Variants in RAF1 observed in about 807,000 individuals in gnomAD.
The protein encoded by RAF1 is RAF proto-oncogene serine/threonine-protein kinase.
In RAF1, 27 loss-of-function variants were observed where a neutral mutation model predicts 81.1. The ratio of observed to expected loss-of-function variants is 0.33; its 90% CI spans 0.25 to 0.46. RAF1 has a LOEUF of 0.46. Ranked by LOEUF, RAF1 falls within the 20% of genes least tolerant of loss-of-function variation. RAF1 has a pLI of 1.00. For synonymous variants in RAF1, 298 were observed against 294.0 expected (o/e 1.01, Z -0.14); for missense variants, 598 against 826.0 (o/e 0.72, Z 3.38).
chr3:12,584,454 A>G lies in RAF1; in HGVS notation c.*60T>C. The G allele has an allele frequency of 1.9e-6, 3 of 1,605,938 alleles. No homozygotes were observed. The highest frequency in any genetic ancestry group is 2.6e-6 in the Non-Finnish European group (3 of 1,173,090). On this transcript the variant is annotated 3_prime_UTR_variant, in exon 18 of 18. Coordinates refer to ENST00000442415, the MANE Select transcript of RAF1 (RefSeq NM_001354689.3). ...CTGCCTCTGGAGAAAGGGAGCAGAA[A>G]AGTGGTGCCTGCTGGCTTCTCCTCC...
At chr3:12,627,531 T>C (rs927642944) in intron 1 of RAF1, among the ~76,000 whole-genome samples, 1 of 152,224 alleles carries the variant, frequency 6.6e-6, no homozygotes, top group Admixed American at 6.5e-5. Flanking sequence ...AATTGCCAGT[T>C]ATCTTAGCTT....
At chr3:12,623,133 T>G (rs1446592989) in intron 1 of RAF1, among the ~76,000 whole-genome samples, 4 of 152,228 alleles carry the variant, frequency 2.6e-5, no homozygotes, top group African/African-American at 7.2e-5. Context: ...CAGGCTGGTC[T>G]TGAACTCCTA....
intron 1 of RAF1, among the ~76,000 whole-genome samples, chr3:12,627,227 C>T (rs6792773): frequency 0.21 from 32,068 of 151,940 alleles, 3,630 homozygotes; most frequent in African/African-American, 0.29. Context: ...CTAAACCATA[C>T]AAATTATTTC....
intron 5 of RAF1, among the ~76,000 whole-genome samples, chr3:12,606,801 C>G (rs1175473263): frequency 1.3e-5 from 2 of 152,042 alleles, no homozygotes; most frequent in Non-Finnish European, 2.9e-5. Context: ...GTGTGCTGCA[C>G]CCAGTAACTT....
chr3:12,584,487 G>C lies in RAF1; in HGVS notation c.*27C>G, dbSNP rs2125315347. 6.2e-7 allele frequency: 1 copy of C among 1,614,054 alleles called. No individual in the cohort carries two copies. The stretch of plus-strand genomic sequence containing the variant: ...CCTGCTGGCTTCTCCTCCTCCCCTG[G>C]CAGCCTGAAGACAGGTGCAAAGTCA... On this transcript the variant is annotated 3_prime_UTR_variant, in exon 18 of 18. Coordinates refer to ENST00000442415, the MANE Select transcript of RAF1 (RefSeq NM_001354689.3).
At chr3:12,638,072 CATA>C (rs1453644619) in intron 1 of RAF1, among the ~76,000 whole-genome samples, 1 of 152,078 alleles carries the variant, frequency 6.6e-6, no homozygotes, top group Non-Finnish European at 1.5e-5. Flanking sequence ...TTTTGGTTTT[CATA>C]ATAATTTATC....
At chr3:12,615,825 G>A (rs1235416683) in intron 2 of RAF1, among the ~76,000 whole-genome samples, 2 of 152,140 alleles carry the variant, frequency 1.3e-5, no homozygotes, top group Admixed American at 6.5e-5. Flanking sequence ...GACGAGGCAG[G>A]CGGATCAGAA....
chr3:12,613,438 C>A (rs879877232), intron 2 of RAF1, among the ~76,000 whole-genome samples: 1 of 151,616 alleles, frequency 6.6e-6, no homozygotes, highest in Non-Finnish European at 1.5e-5. Context: ...CACACCCCGC[C>A]CCCAGAAGGT....
intron 1 of RAF1, among the ~76,000 whole-genome samples, chr3:12,659,973 C>T (rs984788966): frequency 1.3e-5 from 2 of 152,108 alleles, no homozygotes; most frequent in Non-Finnish European, 2.9e-5. Flanking sequence ...TAGAATCATA[C>T]ATTTACTAGT....
At chr3:12,636,752 A>G (rs2060044610) in intron 1 of RAF1, among the ~76,000 whole-genome samples, 1 of 152,004 alleles carries the variant, frequency 6.6e-6, no homozygotes, top group Admixed American at 6.6e-5. Context: ...GGCTGCTGTG[A>G]GCTAAGATCA....
chr3:12,632,537 C>T (rs913915199), intron 1 of RAF1, among the ~76,000 whole-genome samples: 1 of 152,100 alleles, frequency 6.6e-6, no homozygotes, highest in African/African-American at 2.4e-5. Context: ...TTGATAAAGG[C>T]AACCAACAAC....
chr3:12,640,199 T>C (rs924885772), intron 1 of RAF1, among the ~76,000 whole-genome samples: 1 of 152,060 alleles, frequency 6.6e-6, no homozygotes, highest in East Asian at 1.9e-4. Flanking sequence ...CTTCCTTACA[T>C]CTTATACAAA....
chr3:12,630,588 GAAC>G (rs2059831519), intron 1 of RAF1, among the ~76,000 whole-genome samples: 3 of 152,252 alleles, frequency 2.0e-5, no homozygotes, highest in East Asian at 3.9e-4. Context: ...ATAACTGAGA[GAAC>G]AACATTCCAG....
chr3:12,645,581 C>T lies in RAF1; in HGVS notation c.-27+18232G>A, dbSNP rs527329386. ...TTTTTGTTTGTTTTTCACAGTTGAT[C>T]TGTACTTTGAAACCTAGGACTTAAT... is the stretch of plus-strand genomic sequence containing the variant. On this transcript the variant is annotated intron_variant, in intron 1 of 17. Transcript: ENST00000442415. Among the ~76,000 whole-genome samples, 9 of 152,182 alleles carry T rather than the reference C, an allele frequency of 5.9e-5. No individual in the cohort carries two copies. In the South Asian group the frequency reaches 1.7e-3, roughly 28 times the overall value.
chr3:12,587,985 T>TG (rs1380280179), intron 13 of RAF1: 2 of 105,264 alleles, frequency 1.9e-5, no homozygotes, highest in African/African-American at 1.2e-4. Context: ...TTTTTTTTTT[T>TG]GGGTAGATAC....
rs543536637 is a variant in RAF1, at chr3:12,646,236, G to C, written c.-27+17577C>G. ...GCTCACTGTAGCCTCAAACTCCTGG[G>C]CTCAAGCAATCCTCCCACCTCAGCC... On this transcript the variant is annotated intron_variant, in intron 1 of 17. Coordinates refer to ENST00000442415, the MANE Select transcript of RAF1 (RefSeq NM_001354689.3). Among the ~76,000 whole-genome samples the C allele has an allele frequency of 2.6e-5, 4 of 152,232 alleles. No individual in the cohort carries two copies. The South Asian group carries it at 8.3e-4, about 32-fold the overall frequency.
At chr3:12,628,307 G>GA (rs2059766016) in intron 1 of RAF1, among the ~76,000 whole-genome samples, 2 of 152,046 alleles carry the variant, frequency 1.3e-5, no homozygotes, top group Non-Finnish European at 2.9e-5. Flanking sequence ...AAGGTAGGAA[G>GA]ATCACTTAAG....
rs2125321749 is a variant in RAF1, at chr3:12,585,139, T to C, written c.1711A>G (p.Ile571Val). 8.7e-6 allele frequency: 14 copies of C among 1,614,180 alleles called. No homozygotes were observed. Among genetic ancestry groups the C allele is most frequent in the Non-Finnish European group, 1.2e-5 (14 of 1,180,022 alleles). Residue 571 changes from isoleucine to valine, a missense_variant, in exon 16 of 18, where the codon ATC (isoleucine) becomes GTC (valine). By Grantham distance (29) the Ile-to-Val change is conservative. Transcript: ENST00000442415. ...AGACTTACCTGATCTCGGTTGTTGA[T>C]GTGAGAATAAGGAAGCTCCCCCGTC... is the stretch of plus-strand genomic sequence containing the variant.
intron 8 of RAF1, among the ~76,000 whole-genome samples, chr3:12,601,518 C>G (rs997204194): frequency 6.6e-6 from 1 of 152,080 alleles, no homozygotes; most frequent in Non-Finnish European, 1.5e-5. Context: ...TAATATAAAA[C>G]CACTTGGCCC....
Sources: allele counts gnomAD v4.1 joint callset (sites outside exome capture counted in the v4.1 genomes callset), GRCh38; gene constraint gnomAD v4.1.1; transcripts MANE v1.5; gene names NCBI Gene and HGNC (gene_info 2026-07-23, HGNC 2026-07-21).